Variants in NEBL observed in about 807,000 individuals in gnomAD.
NEBL encodes the protein nebulette.
Under a neutral mutation model 140.2 loss-of-function variants are expected in NEBL, and 122 were observed. The ratio of observed to expected loss-of-function variants is 0.87; its 90% confidence interval spans 0.75 to 1.01. The LOEUF (loss-of-function observed/expected upper bound fraction) is 1.01. Among genes scored for constraint, NEBL ranks in the 50% least tolerant of loss-of-function variants. The pLI, the probability that NEBL is intolerant of heterozygous loss-of-function variation, is 0.00. For missense variants in NEBL, 1,365 were observed against 1,231.3 expected (o/e 1.11, Z -1.62); for synonymous variants, 436 against 398.9 (o/e 1.09, Z -1.11).
chr10:21,225,116 C>T (rs961755807), intron 3 of NEBL, among the ~76,000 whole-genome samples: 27 of 152,244 alleles, frequency 1.8e-4, no homozygotes, highest in African/African-American at 5.3e-4. Context: ...TTTCCCCATT[C>T]GCTATGATAC....
At chr10:21,279,989 T>C (rs972342117) in intron 1 of NEBL, among the ~76,000 whole-genome samples, 6 of 152,020 alleles carry the variant, frequency 3.9e-5, no homozygotes, top group Non-Finnish European at 7.4e-5. Context: ...TTTTATACTT[T>C]ATTGCCCAAA....
intron 1 of NEBL, among the ~76,000 whole-genome samples, chr10:21,255,801 G>T (rs751695229): frequency 2.0e-5 from 3 of 151,970 alleles, no homozygotes; most frequent in Admixed American, 2.0e-4. Flanking sequence ...ATCGAGACCA[G>T]CCTGGCCAAC....
intron 6 of NEBL, 23 bp from the exon 7 acceptor site, chr10:20,868,788 T>A (rs372205956): frequency 6.6e-7 from 1 of 1,508,518 alleles, no homozygotes; most frequent in Non-Finnish European, 9.2e-7. Flanking sequence ...AATAAGACAA[T>A]GTTAAATATT....
chr10:20,889,861 C>A lies in NEBL; in HGVS notation c.242G>T (p.Gly81Val), dbSNP rs1442801795. 3 of 1,610,266 alleles carry A rather than the reference C, an allele frequency of 1.9e-6. No homozygotes were observed. The highest frequency in any genetic ancestry group is 2.5e-6 in the Non-Finnish European group (3 of 1,176,694). Residue 81 changes from glycine to valine, a missense_variant, in exon 3 of 28, where the codon GGT becomes GTT. Around this residue, in one of 2 missense-constraint regions of NEBL, gnomAD observed 1,323 missense variants for 1,154.8 expected, o/e 1.15. Coordinates refer to ENST00000377122, the MANE Select transcript of NEBL (RefSeq NM_006393.3). The stretch of plus-strand genomic sequence containing the variant: ...ATACCTTACCTCAGAAATAAAAGCA[C>A]CGATATTTTTTACATGGTTTAGCAT... ...SPMLNHVKNI[G>V]AFISEAKYKG...
Position 21,288,847 on chromosome 10 carries a change from TATAA to T in NEBL, n.182+3979_182+3982del, listed in dbSNP as rs1564556758. On this transcript the variant is annotated intron_variant and non_coding_transcript_variant, in intron 1 of 8. Coordinates refer to the NEBL transcript ENST00000675702. ...ATATATATATATATATATATATATA[TATAA>T]AAATTTTTTTTTTTTGAGACGGAGT... 1.1e-4 allele frequency among the ~76,000 whole-genome samples: 10 copies of T among 88,990 alleles called. 1 individual carries two copies. In the South Asian group the frequency reaches 1.2e-3, roughly 10 times the overall value. The allele number at this position is 88,990 out of a possible 152,430, so 58.4% of individuals were successfully genotyped here.
intron 1 of NEBL, among the ~76,000 whole-genome samples, chr10:21,255,148 G>T (rs1842640002): frequency 6.6e-6 from 1 of 152,130 alleles, no homozygotes; most frequent in Non-Finnish European, 1.5e-5. Context: ...ACCAGTCCCT[G>T]CCAGGCTACC....
intron 2 of NEBL, among the ~76,000 whole-genome samples, chr10:21,122,537 T>C (rs1308470029): frequency 2.0e-5 from 3 of 152,172 alleles, no homozygotes; most frequent in Non-Finnish European, 4.4e-5. Context: ...TAAGTGGCCA[T>C]GGTGAGTGAT....
intron 5 of NEBL, among the ~76,000 whole-genome samples, chr10:20,877,718 A>C (rs1845638473): frequency 6.6e-6 from 1 of 152,168 alleles, no homozygotes; most frequent in African/African-American, 2.4e-5. Context: ...GCATAATATA[A>C]TTAGGGCGGA....
intron 2 of NEBL, among the ~76,000 whole-genome samples, chr10:21,155,961 A>G (rs965796834): frequency 6.6e-6 from 1 of 152,166 alleles, no homozygotes; most frequent in Non-Finnish European, 1.5e-5. Flanking sequence ...GATTATTGCC[A>G]CCGCTCAAAA....
At chr10:21,170,524 T>C (rs978880641) in intron 2 of NEBL, 1 of 152,310 alleles carries the variant, frequency 6.6e-6, no homozygotes. Context: ...TTTATGGCTC[T>C]CTGGAAGGGA....
At chr10:21,234,549 A>G (rs1360527053) in intron 3 of NEBL, among the ~76,000 whole-genome samples, 1 of 152,140 alleles carries the variant, frequency 6.6e-6, no homozygotes, top group Non-Finnish European at 1.5e-5. Flanking sequence ...TTTTCATTAT[A>G]AATTACCCAG....
intron 2 of NEBL, among the ~76,000 whole-genome samples, chr10:21,081,499 G>T (rs1447806114): frequency 6.6e-6 from 1 of 151,702 alleles, no homozygotes; most frequent in East Asian, 1.9e-4. Flanking sequence ...ATTTTTAATA[G>T]TACCTATAAT....
intron 1 of NEBL, among the ~76,000 whole-genome samples, chr10:21,266,604 T>C (rs1281708171): frequency 6.6e-6 from 1 of 152,252 alleles, no homozygotes; most frequent in Non-Finnish European, 1.5e-5. Context: ...TAAGAGGATG[T>C]CCTGAGAAGC....
At chr10:20,831,391 C>T in intron 15 of NEBL, 82 bp downstream of exon 15, 3 of 1,494,240 alleles carry the variant, frequency 2.0e-6, no homozygotes, top group Non-Finnish European at 2.8e-6. Flanking sequence ...TCAAAGCCAC[C>T]CATGTGGAAA....
At chr10:21,110,985 C>G (rs1350776432) in intron 2 of NEBL, 1 of 360,712 alleles carries the variant, frequency 2.8e-6, no homozygotes, top group Non-Finnish European at 5.4e-6. Flanking sequence ...AGTGAACTCC[C>G]ATTCACAATT....
At chr10:20,898,069 A>G (rs1429746002), upstream of NEBL, among the ~76,000 whole-genome samples, 2 of 152,180 alleles carry the variant, frequency 1.3e-5, no homozygotes, top group South Asian at 2.1e-4. Flanking sequence ...GGTGATTTGC[A>G]TTATTACTCA....
At chr10:20,827,547 T>C (rs1274648285) in intron 17 of NEBL, among the ~76,000 whole-genome samples, 1 of 152,216 alleles carries the variant, frequency 6.6e-6, no homozygotes, top group Non-Finnish European at 1.5e-5. Flanking sequence ...GTTAAAATAT[T>C]AGTTGTATGG....
Position 20,780,994 on chromosome 10 carries a change from G to C in NEBL, c.*4753C>G, listed in dbSNP as rs1170745859. ...CTTAATGTGTCATTTCAATGCTGTT[G>C]TACATTATGCAGGGGAAATAATGTC... On this transcript the variant is annotated 3_prime_UTR_variant, in exon 28 of 28. Coordinates refer to ENST00000377122, the MANE Select transcript of NEBL (RefSeq NM_006393.3). 3.9e-5 allele frequency: 6 copies of C among 152,234 alleles called. No individual in the cohort carries two copies. Among genetic ancestry groups the C allele is most frequent in the African/African-American group, 1.2e-4 (5 of 41,434 alleles). The allele number at this position is 152,234 out of a possible 1,614,324, so 9.4% of individuals were successfully genotyped here.
In NEBL at chr10:20,781,944, T is replaced by C. The variant is rs889484824; in HGVS notation, c.*3803A>G. The C allele has an allele frequency of 3.3e-5, 5 of 152,606 alleles. No homozygotes were observed. The highest frequency in any genetic ancestry group is 1.2e-4 in the African/African-American group (5 of 41,452). 9.5% of individuals were successfully genotyped at this position (152,606 alleles called of 1,614,324 possible). ...GCAAATCGCTAAGGTATAATTAATT[T>C]ATGAAGTGAAGTTCATCTTGTGTAG... On this transcript the variant is annotated 3_prime_UTR_variant, in exon 28 of 28. Transcript: ENST00000377122.
Sources: allele counts gnomAD v4.1 joint callset (sites outside exome capture counted in the v4.1 genomes callset), GRCh38; gene constraint gnomAD v4.1.1; regional missense constraint gnomAD v4.1.1; transcripts MANE v1.5; gene names NCBI Gene and HGNC (gene_info 2026-07-23, HGNC 2026-07-21).